Variants in CDKAL1 observed in about 807,000 individuals in gnomAD.
CDKAL1 encodes threonylcarbamoyladenosine tRNA methylthiotransferase.
In CDKAL1, 32 loss-of-function variants were observed where a neutral mutation model predicts 68.2. The observed-to-expected ratio is 0.47, with a 90% CI of 0.35 to 0.63. The LOEUF (loss-of-function observed/expected upper bound fraction) is 0.63. CDKAL1 is among the 30% of genes least tolerant of loss of function. The pLI is 0.00. For missense variants in CDKAL1, 606 were observed against 696.7 expected (o/e 0.87, Z 1.47); for synonymous variants, 234 against 244.3 (o/e 0.96, Z 0.39).
At chr6:20,625,889 T>G (rs977235891) in intron 4 of CDKAL1, among the ~76,000 whole-genome samples, 53 of 152,192 alleles carry the variant, frequency 3.5e-4, no homozygotes, top group African/African-American at 1.3e-3. Flanking sequence ...AACTTATTAC[T>G]CTTTCTTACT....
intron 13 of CDKAL1, among the ~76,000 whole-genome samples, chr6:21,118,885 G>A (rs558538165): frequency 2.0e-5 from 3 of 152,334 alleles, no homozygotes; most frequent in South Asian, 2.1e-4. Flanking sequence ...TTTTAATTAC[G>A]TTGAAGTATA....
At chr6:20,934,922 T>G (rs1374242876) in intron 9 of CDKAL1, among the ~76,000 whole-genome samples, 5 of 145,782 alleles carry the variant, frequency 3.4e-5, no homozygotes, top group Non-Finnish European at 7.6e-5. Flanking sequence ...TTTTTTGAGT[T>G]GAAGTCTCTG....
At chr6:20,586,424 G>A (rs905453395) in intron 4 of CDKAL1, among the ~76,000 whole-genome samples, 15 of 152,192 alleles carry the variant, frequency 9.9e-5, no homozygotes, top group Non-Finnish European at 1.8e-4. Context: ...GATCACCTGA[G>A]GTCAGGAGTT....
chr6:20,862,479 T>C (rs1299931727), intron 9 of CDKAL1, among the ~76,000 whole-genome samples: 4 of 152,176 alleles, frequency 2.6e-5, no homozygotes, highest in Admixed American at 2.6e-4. Flanking sequence ...TAATACTAAG[T>C]CTGCAATACT....
chr6:20,554,097 C>T (rs189375637), intron 4 of CDKAL1, among the ~76,000 whole-genome samples: 1 of 152,372 alleles, frequency 6.6e-6, no homozygotes, highest in East Asian at 1.9e-4. Context: ...GGATTACAGG[C>T]ATGAGCCACT....
At position 21,156,830 on chromosome 6, in the gene CDKAL1, G is replaced by A. The variant is rs117098845; in HGVS notation, c.1300-41191G>A. 1.4e-3 allele frequency among the ~76,000 whole-genome samples: 218 copies of A among 152,264 alleles called. 1 individual carries two copies. In the East Asian group the frequency reaches 0.037, roughly 26 times the overall value. ...GACTGGTGTGCATGCTGCTGTGGTT[G>A]CTTTGGCATGGAATCCTTCTAAGAG... On this transcript the variant is annotated intron_variant, in intron 13 of 15. Coordinates refer to ENST00000274695, the MANE Select transcript of CDKAL1 (RefSeq NM_017774.3).
chr6:20,914,056 G>A (rs781093820), intron 9 of CDKAL1, among the ~76,000 whole-genome samples: 12 of 152,140 alleles, frequency 7.9e-5, no homozygotes, highest in East Asian at 3.9e-4. Context: ...TTGGGAGGCC[G>A]AGGCAGGCAG....
In CDKAL1 at chr6:20,933,881, T is replaced by C. The variant is rs148991973; in HGVS notation, c.743-21538T>C. Among the ~76,000 whole-genome samples, 137 of 152,184 alleles carry C rather than the reference T, an allele frequency of 9.0e-4. 2 individuals are homozygous for C. The East Asian group carries it at 0.023, about 26-fold the overall frequency. On this transcript the variant is annotated intron_variant, in intron 9 of 15. Transcript: ENST00000274695. ...TTTAGTGTCACTAAGAATTCTGTGG[T>C]CAATAGAGATTTCTAATCTAGGCTC...
chr6:20,772,522 C>T (rs1443721414), intron 7 of CDKAL1, among the ~76,000 whole-genome samples: 2 of 152,062 alleles, frequency 1.3e-5, no homozygotes, highest in Admixed American at 1.3e-4. Context: ...GTAATTTGCC[C>T]CAGAAGGTAT....
intron 12 of CDKAL1, among the ~76,000 whole-genome samples, chr6:21,091,146 C>A (rs188072306): frequency 3.9e-5 from 6 of 152,174 alleles, no homozygotes; most frequent in African/African-American, 1.4e-4. Context: ...TAAGACAGAT[C>A]TAGTTTCATT....
At chr6:21,200,328 G>T (rs1360854739) in intron 14 of CDKAL1, among the ~76,000 whole-genome samples, 1 of 152,192 alleles carries the variant, frequency 6.6e-6, no homozygotes, top group East Asian at 1.9e-4. Context: ...CTAGATGGAG[G>T]TAGATTCCCA....
At chr6:20,786,435 G>A (rs932043774) in intron 8 of CDKAL1, among the ~76,000 whole-genome samples, 1 of 151,598 alleles carries the variant, frequency 6.6e-6, no homozygotes, top group African/African-American at 2.4e-5. Flanking sequence ...AATAAGCTAA[G>A]GTTGATAAGC....
intron 11 of CDKAL1, among the ~76,000 whole-genome samples, chr6:21,042,475 C>G (rs575084498): frequency 6.6e-6 from 1 of 152,158 alleles, no homozygotes; most frequent in Non-Finnish European, 1.5e-5. Context: ...TGGTTAACAG[C>G]CTCTCCTTCC....
chr6:20,586,549 A>T (rs1312313263), intron 4 of CDKAL1, among the ~76,000 whole-genome samples: 1 of 152,110 alleles, frequency 6.6e-6, no homozygotes, highest in African/African-American at 2.4e-5. Context: ...GAGGCAGGAG[A>T]ATCACTTGAA....
intron 8 of CDKAL1, among the ~76,000 whole-genome samples, chr6:20,845,043 C>G (rs1002620230): frequency 1.3e-5 from 2 of 152,192 alleles, no homozygotes; most frequent in Non-Finnish European, 2.9e-5. Context: ...CGAAAATTCT[C>G]AGAAATTAAG....
intron 7 of CDKAL1, among the ~76,000 whole-genome samples, chr6:20,778,712 G>A (rs1284083598): frequency 3.3e-5 from 5 of 152,198 alleles, no homozygotes; most frequent in Non-Finnish European, 7.3e-5. Flanking sequence ...CCCAAGAAGA[G>A]CCAATATTTC....
chr6:20,556,899 A>C (rs1385811061), intron 4 of CDKAL1, among the ~76,000 whole-genome samples: 1 of 151,784 alleles, frequency 6.6e-6, no homozygotes, highest in African/African-American at 2.4e-5. Flanking sequence ...TTAGCCGGGC[A>C]TGGTGGTGGG....
At chr6:20,764,363 A>G (rs1351601702) in intron 7 of CDKAL1, among the ~76,000 whole-genome samples, 5 of 152,172 alleles carry the variant, frequency 3.3e-5, no homozygotes, top group Non-Finnish European at 7.4e-5. Context: ...AAATGCCTCA[A>G]GTGGCGGTAA....
intron 12 of CDKAL1, among the ~76,000 whole-genome samples, chr6:21,096,456 A>G (rs757845734): frequency 6.6e-6 from 1 of 152,220 alleles, no homozygotes; most frequent in Non-Finnish European, 1.5e-5. Flanking sequence ...GTAAAGGCAC[A>G]TTACCATCTC....
Sources: gnomAD v4.1 joint callset for allele counts (sites outside exome capture counted in the v4.1 genomes callset) on GRCh38, gnomAD v4.1.1 for gene constraint, MANE v1.5 for transcripts, NCBI Gene and HGNC (gene_info 2026-07-23, HGNC 2026-07-21) for gene names.